The following UGGT2 variants were observed in gnomAD, a reference collection of about 807,000 sequenced individuals.
UGGT2 encodes the protein UDP-glucose glycoprotein glucosyltransferase 2.
A neutral mutation model predicts 192.1 loss-of-function variants in UGGT2; 180 were observed. That is an observed-to-expected ratio of 0.94 (90% CI 0.83 to 1.06). The LOEUF (loss-of-function observed/expected upper bound fraction) is 1.06, where lower values mean the gene tolerates loss of function less well. Ranked by LOEUF, UGGT2 falls within the 50% of genes least tolerant of loss-of-function variation. The pLI is 0.00. For missense variants in UGGT2, 1,849 were observed against 1,795.7 expected, an observed-to-expected ratio of 1.03 and a Z score of -0.54; for synonymous variants, 580 against 591.0, an observed-to-expected ratio of 0.98 and a Z score of 0.27.
rs562283712 is a variant in UGGT2 at position 95,803,099 on chromosome 13, G to C, written c.4529-1287C>G. On this transcript the variant is annotated intron_variant, in intron 38 of 38. Coordinates refer to ENST00000376747, the MANE Select transcript of UGGT2 (RefSeq NM_020121.4). ...TCCGCCCGTCTTGGCCTCCCAAAGTGCTGGGATTACAGGCGTAAGCCACTG... is the reference window on the plus strand; with the variant it reads ...TCCGCCCGTCTTGGCCTCCCAAAGTCCTGGGATTACAGGCGTAAGCCACTG... 1.9e-3 allele frequency among the ~76,000 whole-genome samples: 284 copies of C among 152,294 alleles called. 1 individual carries two copies. The highest frequency in any genetic ancestry group is 6.6e-3 in the African/African-American group (274 of 41,560).
At chr13:95,984,952 A>G (rs2051243403) in intron 9 of UGGT2, 1 of 152,744 alleles carries the variant, frequency 6.5e-6, no homozygotes, top group African/African-American at 2.4e-5. Context: ...TCATTTCAAC[A>G]AACATTTACA....
intron 20 of UGGT2, among the ~76,000 whole-genome samples, chr13:95,921,091 G>A (rs149848533): frequency 2.0e-5 from 3 of 152,144 alleles, no homozygotes; most frequent in Non-Finnish European, 2.9e-5. Flanking sequence ...ACTAACACAG[G>A]AACAGAAAAC....
intron 29 of UGGT2, among the ~76,000 whole-genome samples, chr13:95,875,976 G>A (rs914108745): frequency 9.9e-5 from 15 of 152,104 alleles, no homozygotes; most frequent in African/African-American, 3.6e-4. Flanking sequence ...TCAAGAGTTG[G>A]CAAACTATGG....
In UGGT2 at chr13:96,053,362, T is replaced by G. The variant is rs979567859; in HGVS notation, c.-50A>C. 6.5e-7 allele frequency: 1 copy of G among 1,548,488 alleles called. No individual in the cohort carries two copies. Among genetic ancestry groups the G allele is most frequent in the Admixed American group, 1.9e-5 (1 of 52,912 alleles). Reference sequence around the variant, plus strand: ...CCTCGGACCCGGTACCCACAGTCTGTGGCCGCCACGCTTCGGCCGGCTCTT... The same window carrying G: ...CCTCGGACCCGGTACCCACAGTCTGGGGCCGCCACGCTTCGGCCGGCTCTT... On this transcript the variant is annotated 5_prime_UTR_variant, in exon 1 of 39. Transcript: ENST00000376747.
chr13:96,043,721 A>C (rs745575521), intron 1 of UGGT2, among the ~76,000 whole-genome samples: 1 of 152,184 alleles, frequency 6.6e-6, no homozygotes, highest in Non-Finnish European at 1.5e-5. Context: ...AGCTATTCTT[A>C]TATGAGATAA....
chr13:95,823,467 A>T (rs1435339451), intron 38 of UGGT2, among the ~76,000 whole-genome samples: 1 of 152,108 alleles, frequency 6.6e-6, no homozygotes. Context: ...ATATAAATTT[A>T]GTATTATAGT....
chr13:95,832,626 T>C (rs1249637055), intron 38 of UGGT2: 1 of 423,178 alleles, frequency 2.4e-6, no homozygotes, highest in African/African-American at 2.0e-5. Context: ...CAGTGCAATC[T>C]TAAAGACAAA....
At chr13:95,821,974 A>T in intron 38 of UGGT2, among the ~76,000 whole-genome samples, 1 of 152,156 alleles carries the variant, frequency 6.6e-6, no homozygotes, top group Non-Finnish European at 1.5e-5. Flanking sequence ...GCCTTGTAGT[A>T]GAATTTGAAA....
At chr13:95,930,036 G>A (rs2049192009) in intron 17 of UGGT2, among the ~76,000 whole-genome samples, 1 of 152,172 alleles carries the variant, frequency 6.6e-6, no homozygotes, top group Admixed American at 6.5e-5. Context: ...AGGATTAGTA[G>A]TGTTGAACAT....
chr13:95,873,685 T>A (rs928540325), intron 29 of UGGT2, among the ~76,000 whole-genome samples: 1 of 152,296 alleles, frequency 6.6e-6, no homozygotes, highest in East Asian at 1.9e-4. Context: ...AAGTGATAAA[T>A]CTTTGAACTT....
chr13:95,982,376 G>C (rs988204962), intron 10 of UGGT2, among the ~76,000 whole-genome samples: 13 of 152,212 alleles, frequency 8.5e-5, no homozygotes, highest in Non-Finnish European at 1.9e-4. Flanking sequence ...CTGGGACCAG[G>C]CATGTTCAAA....
chr13:95,973,864 C>T (rs1221627461), intron 10 of UGGT2, among the ~76,000 whole-genome samples: 1 of 152,188 alleles, frequency 6.6e-6, no homozygotes, highest in East Asian at 1.9e-4. Context: ...CACATGTTTG[C>T]TATAGTTTAA....
chr13:96,017,652 A>T (rs961187500), intron 4 of UGGT2, among the ~76,000 whole-genome samples: 6 of 152,220 alleles, frequency 3.9e-5, no homozygotes, highest in African/African-American at 1.4e-4. Flanking sequence ...AGGATCTAAG[A>T]TACCCTTTAT....
At chr13:95,811,483 G>A (rs2139744860) in intron 38 of UGGT2, among the ~76,000 whole-genome samples, 1 of 152,268 alleles carries the variant, frequency 6.6e-6, no homozygotes, top group East Asian at 1.9e-4. Flanking sequence ...TAGGGCGTGA[G>A]CTAAAGAGGA....
At chr13:95,978,301 GCAT>G (rs2051004637) in intron 10 of UGGT2, among the ~76,000 whole-genome samples, 1 of 152,172 alleles carries the variant, frequency 6.6e-6, no homozygotes, top group African/African-American at 2.4e-5. Flanking sequence ...GTGATGGTGA[GCAT>G]CACTGTTGGC....
chr13:95,963,729 A>G (rs1251421873), intron 12 of UGGT2, among the ~76,000 whole-genome samples: 8 of 152,226 alleles, frequency 5.3e-5, no homozygotes, highest in Non-Finnish European at 1.2e-4. Flanking sequence ...TAGTGTTTCT[A>G]TACACAAATA....
At chr13:95,912,291 CAA>C (rs2140350535) in intron 20 of UGGT2, among the ~76,000 whole-genome samples, 2 of 152,306 alleles carry the variant, frequency 1.3e-5, no homozygotes, top group East Asian at 1.9e-4. Flanking sequence ...ATGAGAAAGT[CAA>C]ATTGTCCCTG....
intron 5 of UGGT2, among the ~76,000 whole-genome samples, chr13:96,011,000 A>T (rs2052144806): frequency 6.6e-6 from 1 of 152,192 alleles, no homozygotes. Flanking sequence ...GGATAAAGGA[A>T]ATTCAATGGA....
At chr13:95,949,803 T>A (rs2049999905) in intron 12 of UGGT2, among the ~76,000 whole-genome samples, 2 of 151,968 alleles carry the variant, frequency 1.3e-5, no homozygotes, top group African/African-American at 4.8e-5. Context: ...CCTCTCCACC[T>A]CCCCTCTCAA....
Sources: gnomAD v4.1 joint callset for allele counts (sites outside exome capture counted in the v4.1 genomes callset) on GRCh38, gnomAD v4.1.1 for gene constraint, MANE v1.5 for transcripts, NCBI Gene and HGNC (gene_info 2026-07-23, HGNC 2026-07-21) for gene names.